SUGCT: variants seen among roughly 807,000 people sequenced by gnomAD.
The protein encoded by SUGCT is succinyl-CoA:glutarate-CoA transferase, also known as succinyl-CoA:glutarate CoA-transferase.
Under a neutral mutation model 55.0 loss-of-function variants are expected in SUGCT, and 41 were observed. The ratio of observed to expected loss-of-function variants is 0.74; its 90% CI spans 0.58 to 0.97. SUGCT has a LOEUF of 0.97. SUGCT is among the 50% of genes least tolerant of loss of function. SUGCT has a pLI of 0.00. For missense variants in SUGCT, 568 were observed against 547.8 expected, an observed-to-expected ratio of 1.04 and a Z score of -0.37; for synonymous variants, 187 against 200.4, an observed-to-expected ratio of 0.93 and a Z score of 0.56.
At chr7:40,932,114 G>A in the SUGCT span, among the ~76,000 whole-genome samples, 2 of 152,108 alleles carry the variant, frequency 1.3e-5, no homozygotes, top group Admixed American at 1.3e-4. Context: ...AGAGATTCTG[G>A]TACATTGTGT....
chr7:40,393,694 A>G (rs1056418695), intron 9 of SUGCT, among the ~76,000 whole-genome samples: 4 of 152,144 alleles, frequency 2.6e-5, no homozygotes, highest in African/African-American at 4.8e-5. Context: ...AGTCTGGAAT[A>G]AAGAGATAAG....
At chr7:41,023,584 G>T in the SUGCT span, among the ~76,000 whole-genome samples, 1 of 152,100 alleles carries the variant, frequency 6.6e-6, no homozygotes, top group Non-Finnish European at 1.5e-5. Context: ...TAGATGCAGT[G>T]AAAATAGAAT....
intron 13 of SUGCT, among the ~76,000 whole-genome samples, chr7:40,806,202 A>C (rs944781225): frequency 6.6e-6 from 1 of 152,158 alleles, no homozygotes; most frequent in African/African-American, 2.4e-5. Context: ...AAACTCTGTA[A>C]CGTTGGTGGA....
the SUGCT span, among the ~76,000 whole-genome samples, chr7:40,877,000 A>G: frequency 6.6e-6 from 1 of 152,226 alleles, no homozygotes; most frequent in South Asian, 2.1e-4. Flanking sequence ...TCTTTAATAT[A>G]CACACGCATT....
chr7:40,310,742 A>G (rs991923812), intron 8 of SUGCT, among the ~76,000 whole-genome samples: 9 of 152,184 alleles, frequency 5.9e-5, no homozygotes, highest in Admixed American at 5.9e-4. Flanking sequence ...GTGCCTATTT[A>G]TCTTCTATTG....
At chr7:40,883,151 GC>G in the SUGCT span, among the ~76,000 whole-genome samples, 1 of 152,282 alleles carries the variant, frequency 6.6e-6, no homozygotes, top group Admixed American at 6.5e-5. Flanking sequence ...AACTCACCAT[GC>G]TTTCTTCTTA....
intron 1 of SUGCT, among the ~76,000 whole-genome samples, chr7:40,146,381 G>A (rs543554340): frequency 1.3e-5 from 2 of 152,288 alleles, no homozygotes; most frequent in East Asian, 1.9e-4. Context: ...ACCCAGTGTC[G>A]CTAGAGGAAG....
chr7:40,390,296 A>G (rs1583578787), intron 9 of SUGCT, among the ~76,000 whole-genome samples: 1 of 152,328 alleles, frequency 6.6e-6, no homozygotes, highest in South Asian at 2.1e-4. Flanking sequence ...GCAATCAGGC[A>G]AGAGAAAGAA....
intron 11 of SUGCT, among the ~76,000 whole-genome samples, chr7:40,465,770 A>T (rs1790071089): frequency 6.6e-6 from 1 of 152,176 alleles, no homozygotes; most frequent in African/African-American, 2.4e-5. Flanking sequence ...AAAGGTCCCT[A>T]TACTGAATGT....
chr7:40,842,830 T>TTACATGA (rs1793344028), intron 13 of SUGCT, among the ~76,000 whole-genome samples: 1 of 152,232 alleles, frequency 6.6e-6, no homozygotes, highest in Admixed American at 6.5e-5. Flanking sequence ...GTTGCACAAT[T>TTACATGA]CTGTAAAGTC....
intron 9 of SUGCT, among the ~76,000 whole-genome samples, chr7:40,414,016 A>G (rs866095755): frequency 1.3e-5 from 2 of 152,100 alleles, no homozygotes; most frequent in African/African-American, 4.8e-5. Context: ...CTATTGGTGG[A>G]CAATATATTA....
At chr7:40,253,924 G>A (rs1397607449) in intron 7 of SUGCT, among the ~76,000 whole-genome samples, 1 of 152,212 alleles carries the variant, frequency 6.6e-6, no homozygotes, top group Non-Finnish European at 1.5e-5. Flanking sequence ...CAACTTACTT[G>A]TTGGTTGACT....
chr7:40,765,113 T>A (rs1788716657), intron 13 of SUGCT, among the ~76,000 whole-genome samples: 1 of 152,220 alleles, frequency 6.6e-6, no homozygotes, highest in Non-Finnish European at 1.5e-5. Flanking sequence ...ACAATAGTTT[T>A]TATTAGTTAA....
chr7:40,870,711 C>T, the SUGCT span, among the ~76,000 whole-genome samples: 5 of 152,138 alleles, frequency 3.3e-5, no homozygotes, highest in African/African-American at 9.7e-5. Flanking sequence ...TGGTATTCTA[C>T]TTCTATTTTT....
At chr7:40,499,570 C>G (rs1403887120) in intron 12 of SUGCT, 1 of 153,140 alleles carries the variant, frequency 6.5e-6, no homozygotes, top group African/African-American at 2.4e-5. Context: ...CAGGCATACA[C>G]TGTTAAGTCA....
chr7:40,732,764 C>T (rs529839688), intron 12 of SUGCT, among the ~76,000 whole-genome samples: 1 of 152,220 alleles, frequency 6.6e-6, no homozygotes, highest in East Asian at 1.9e-4. Context: ...TGTGACTATC[C>T]ATGCTGAAAC....
chr7:40,550,081 T>C (rs939977592), intron 12 of SUGCT, among the ~76,000 whole-genome samples: 2 of 152,206 alleles, frequency 1.3e-5, no homozygotes, highest in Admixed American at 6.5e-5. Context: ...TGGTTTAGGA[T>C]ATCAACAATC....
At chr7:40,702,081 G>A (rs1408772307) in intron 12 of SUGCT, among the ~76,000 whole-genome samples, 2 of 152,112 alleles carry the variant, frequency 1.3e-5, no homozygotes, top group Admixed American at 6.5e-5. Flanking sequence ...TGTAAGCCCC[G>A]CCAAAGATTA....
Position 40,318,083 on chromosome 7 carries a change from C to T in SUGCT, c.816+1228C>T, listed in dbSNP as rs73320549. 7.8e-3 allele frequency among the ~76,000 whole-genome samples: 1,191 copies of T among 152,288 alleles called. 14 individuals are homozygous for T. Among genetic ancestry groups the T allele is most frequent in the African/African-American group, 0.027 (1,130 of 41,540 alleles). ...AACCAGACCTGCTTCATTTCACAGACGTCATTACATTGTTGAATTGGTTAG... is the reference window on the plus strand; with the variant it reads ...AACCAGACCTGCTTCATTTCACAGATGTCATTACATTGTTGAATTGGTTAG... On this transcript the variant is annotated intron_variant, in intron 9 of 13. Transcript: ENST00000335693.
Sources: gnomAD v4.1 joint callset for allele counts (sites outside exome capture counted in the v4.1 genomes callset) on GRCh38, gnomAD v4.1.1 for gene constraint, MANE v1.5 for transcripts, NCBI Gene and HGNC (gene_info 2026-07-23, HGNC 2026-07-21) for gene names.